The following IMPG2 variants were observed in gnomAD, a reference collection of about 807,000 sequenced individuals.
The protein encoded by IMPG2 is interphotoreceptor matrix proteoglycan 2.
Under a neutral mutation model 129.2 loss-of-function variants are expected in IMPG2, and 91 were observed. The observed-to-expected ratio is 0.70, with a 90% CI of 0.59 to 0.84. IMPG2 has a LOEUF of 0.84. Ranked by LOEUF, IMPG2 falls within the 40% of genes least tolerant of loss-of-function variation. The pLI is 0.00. For missense variants in IMPG2, 1,430 were observed against 1,461.7 expected, an observed-to-expected ratio of 0.98 and a Z score of 0.35; for synonymous variants, 510 against 517.7, an observed-to-expected ratio of 0.99 and a Z score of 0.20.
Position 101,244,546 on chromosome 3 carries a change from T to G in IMPG2, c.1785A>C (p.Leu595Phe). 2 of 1,596,516 alleles carry G rather than the reference T, an allele frequency of 1.3e-6. No homozygotes were observed. The highest frequency in any genetic ancestry group is 1.7e-6 in the Non-Finnish European group (2 of 1,171,576). The change falls in exon 13 of 19, where the codon TTA (leucine) becomes TTC (phenylalanine). Residue 595 changes from leucine (L) to phenylalanine (F), a missense_variant. Coordinates refer to ENST00000193391, the MANE Select transcript of IMPG2 (RefSeq NM_016247.4). ...CTGAACCTAAACCACCGTCAAATAT[T>G]AACTCTTTTTCCATGGATGCATCTG... ...FLPDASMEKE[L>F]IFDGGLGSGS...
At chr3:101,309,002 T>TGCC (rs1405852266) in intron 2 of IMPG2, among the ~76,000 whole-genome samples, 1 of 152,180 alleles carries the variant, frequency 6.6e-6, no homozygotes, top group African/African-American at 2.4e-5. Context: ...AGGGACAAAA[T>TGCC]GCCACCAGTC....
At chr3:101,264,424 C>A (rs539319529) in intron 9 of IMPG2, among the ~76,000 whole-genome samples, 3 of 152,046 alleles carry the variant, frequency 2.0e-5, no homozygotes, top group African/African-American at 7.2e-5. Context: ...GATGATACAT[C>A]ACATCAGCAG....
rs72936166 is a variant in IMPG2 at position 101,311,566 on chromosome 3, G to A, written c.335-7254C>T. On this transcript the variant is annotated intron_variant, in intron 2 of 18. Transcript: ENST00000193391. ...CCAAAAAATTATTTTAAAAAATAAA[G>A]ACCTAAATAAATGGAAAAACGTCCC... Among the ~76,000 whole-genome samples, 451 of 152,130 alleles carry A rather than the reference G, an allele frequency of 3.0e-3. 1 individual carries two copies. The highest frequency in any genetic ancestry group is 0.01 in the African/African-American group (423 of 41,526).
At chr3:101,292,230 G>A (rs1329272372) in intron 3 of IMPG2, among the ~76,000 whole-genome samples, 2 of 152,124 alleles carry the variant, frequency 1.3e-5, no homozygotes, top group African/African-American at 2.4e-5. Flanking sequence ...ATGACTCACT[G>A]CTCTTCTTGC....
At chr3:101,298,687 G>A (rs1707108338) in intron 3 of IMPG2, among the ~76,000 whole-genome samples, 2 of 152,162 alleles carry the variant, frequency 1.3e-5, no homozygotes, top group African/African-American at 4.8e-5. Flanking sequence ...GAAATTCTGG[G>A]TTGAAAATTC....
At chr3:101,300,850 A>G (rs1016291281) in intron 3 of IMPG2, among the ~76,000 whole-genome samples, 2 of 152,210 alleles carry the variant, frequency 1.3e-5, no homozygotes, top group Admixed American at 1.3e-4. Flanking sequence ...TTGCGTTCAC[A>G]ACTTAGCTAA....
rs748143480 is a variant in IMPG2 at position 101,273,620 on chromosome 3, G to A, written c.789C>T (p.Ser263=). ...CTTCTTCAAGGTGCTGGTGGTGAAA[G>A]CTGGAGGAATCCTGTAGTTCTTCCC... ...QYREELQDSS[S]FHHQHLEEEF... is the part of the protein sequence containing the mutation. Residue 263 remains serine, a synonymous_variant, in exon 7 of 19, where the codon AGC becomes AGT. Coordinates refer to ENST00000193391, the MANE Select transcript of IMPG2 (RefSeq NM_016247.4). 1.9e-6 allele frequency: 3 copies of A among 1,614,080 alleles called. No individual in the cohort carries two copies. The highest frequency in any genetic ancestry group is 2.5e-6 in the Non-Finnish European group (3 of 1,179,996).
chr3:101,273,094 G>A (rs1706804784), intron 7 of IMPG2, among the ~76,000 whole-genome samples: 1 of 152,064 alleles, frequency 6.6e-6, no homozygotes, highest in African/African-American at 2.4e-5. Context: ...TCCAACCAAG[G>A]ATAGGAGAAA....
intron 9 of IMPG2, among the ~76,000 whole-genome samples, chr3:101,261,500 T>C (rs72932464): frequency 2.1e-4 from 32 of 152,304 alleles, no homozygotes; most frequent in African/African-American, 7.2e-4. Context: ...TGTTACTCTT[T>C]ATTGGCAAAA....
At chr3:101,264,207 G>C (rs775510776) in intron 9 of IMPG2, among the ~76,000 whole-genome samples, 14 of 151,694 alleles carry the variant, frequency 9.2e-5, no homozygotes, top group Admixed American at 2.0e-4. Context: ...AATTAAAGCA[G>C]AAAAATTTAA....
Position 101,226,816 on chromosome 3 carries a change from G to T in IMPG2, c.*153C>A. ...CTCTTACTACATTCTGAAAACTTAA[G>T]CTGAAAAAAAAACAGTGTGCCCTAT... On this transcript the variant is annotated 3_prime_UTR_variant, in exon 19 of 19. Transcript: ENST00000193391. The T allele has an allele frequency of 1.4e-6, 1 of 712,010 alleles. No homozygotes were observed. The highest frequency in any genetic ancestry group is 2.4e-6 in the Non-Finnish European group (1 of 417,152). The allele number at this position is 712,010 out of a possible 1,614,324, so 44.1% of individuals were successfully genotyped here. A position where few individuals can be genotyped will look rare whatever the true frequency, so the allele number is the denominator to read the frequency against.
chr3:101,281,667 T>A (rs558835998), intron 4 of IMPG2, among the ~76,000 whole-genome samples: 44 of 152,326 alleles, frequency 2.9e-4, no homozygotes, highest in African/African-American at 1.0e-3. Context: ...GCAAGTAGAA[T>A]TAAGCTTGCT....
intron 3 of IMPG2, among the ~76,000 whole-genome samples, chr3:101,294,917 T>C (rs190901094): frequency 1.3e-5 from 2 of 152,344 alleles, no homozygotes; most frequent in African/African-American, 2.4e-5. Flanking sequence ...TTATATCCTA[T>C]GCCCACTTTT....
At chr3:101,281,803 C>T (rs1055075959) in intron 4 of IMPG2, among the ~76,000 whole-genome samples, 2 of 152,146 alleles carry the variant, frequency 1.3e-5, no homozygotes, top group African/African-American at 4.8e-5. Flanking sequence ...GTGAGAGAGA[C>T]TCCACCGGCC....
At chr3:101,273,898 T>G (rs1706814009) in intron 6 of IMPG2, among the ~76,000 whole-genome samples, 156 bp from the exon 7 acceptor site, 3 of 152,208 alleles carry the variant, frequency 2.0e-5, no homozygotes, top group Non-Finnish European at 4.4e-5. Flanking sequence ...TTGGGTAGAC[T>G]TTAAGACACA....
chr3:101,282,400 G>T (rs2107118958), intron 4 of IMPG2, among the ~76,000 whole-genome samples: 1 of 152,078 alleles, frequency 6.6e-6, no homozygotes, highest in East Asian at 1.9e-4. Context: ...CTAGTTTCAG[G>T]CAGAATACAA....
chr3:101,261,964 A>T (rs1429761317), intron 9 of IMPG2, among the ~76,000 whole-genome samples: 1 of 152,116 alleles, frequency 6.6e-6, no homozygotes, highest in African/African-American at 2.4e-5. Context: ...TGCAGCTGCT[A>T]TACAGAGGAG....
At chr3:101,261,193 T>C (rs1706666193) in intron 9 of IMPG2, among the ~76,000 whole-genome samples, 1 of 152,016 alleles carries the variant, frequency 6.6e-6, no homozygotes. Flanking sequence ...TCCAGAAAGG[T>C]GAGTTTCTTT....
chr3:101,276,727 T>A lies in IMPG2; in HGVS notation c.534-14A>T, dbSNP rs201447767. 3 of 1,593,696 alleles carry A rather than the reference T, an allele frequency of 1.9e-6. No individual in the cohort carries two copies. Among genetic ancestry groups the A allele is most frequent in the African/African-American group, 2.7e-5 (2 of 74,404 alleles). On this transcript the variant is annotated splice_polypyrimidine_tract_variant and intron_variant, in intron 4 of 18. Transcript: ENST00000193391. ...GACAGTTCAGAGCTAGAAAAAAAAA[T>A]GTTTGCAGTTAATAAAATGACAGAC...
Sources: gnomAD v4.1 joint callset for allele counts (sites outside exome capture counted in the v4.1 genomes callset) on GRCh38, gnomAD v4.1.1 for gene constraint, MANE v1.5 for transcripts, NCBI Gene and HGNC (gene_info 2026-07-23, HGNC 2026-07-21) for gene names.